The following NLGN1 variants were observed in gnomAD, a reference collection of about 807,000 sequenced individuals.
NLGN1 encodes the protein neuroligin 1.
NLGN1 carries 12 observed loss-of-function variants against 65.5 expected under a neutral mutation model. The observed-to-expected ratio is 0.18, with a 90% CI of 0.12 to 0.30. NLGN1 has a LOEUF of 0.30. Ranked by LOEUF, NLGN1 falls within the 10% of genes least tolerant of loss-of-function variation. The pLI is 1.00. For synonymous variants in NLGN1, 350 were observed against 359.5 expected (o/e 0.97, Z 0.30); for missense variants, 750 against 1,007.1 (o/e 0.74, Z 3.46).
At chr3:174,027,616 A>G (rs1729110640) in intron 4 of NLGN1, among the ~76,000 whole-genome samples, 1 of 152,192 alleles carries the variant, frequency 6.6e-6, no homozygotes, top group African/African-American at 2.4e-5. Flanking sequence ...CAAGATATAT[A>G]GTCACACTAT....
chr3:173,404,161 CT>C (rs1718196484), intron 1 of NLGN1, among the ~76,000 whole-genome samples: 1 of 152,082 alleles, frequency 6.6e-6, no homozygotes, highest in African/African-American at 2.4e-5. Context: ...TGTGTCTCAA[CT>C]TTTTTTCCCT....
At chr3:173,992,477 T>G (rs1243553070) in intron 4 of NLGN1, among the ~76,000 whole-genome samples, 2 of 152,052 alleles carry the variant, frequency 1.3e-5, no homozygotes, top group Non-Finnish European at 2.9e-5. Context: ...AAGTCACCAA[T>G]GGCTCTTTTT....
At chr3:173,632,849 G>GTTTTTTTTTTTT (rs5854526) in intron 3 of NLGN1, among the ~76,000 whole-genome samples, 15 of 116,414 alleles carry the variant, frequency 1.3e-4, no homozygotes, top group Non-Finnish European at 1.6e-4. Context: ...TTTTTTTTTT[G>GTTTTTTTTTTTT]TTTTTTTTTT....
chr3:173,597,383 A>T (rs1230144521), intron 2 of NLGN1, among the ~76,000 whole-genome samples: 1 of 152,194 alleles, frequency 6.6e-6, no homozygotes, highest in African/African-American at 2.4e-5. Context: ...AACTATGTAA[A>T]GTGTTTTGGA....
At chr3:173,792,944 T>C (rs959022305) in intron 3 of NLGN1, among the ~76,000 whole-genome samples, 36 of 152,162 alleles carry the variant, frequency 2.4e-4, no homozygotes, top group African/African-American at 8.4e-4. Context: ...ATCTGTCTTG[T>C]TTTAGCTATT....
At chr3:173,925,628 G>A (rs1294368376) in intron 4 of NLGN1, among the ~76,000 whole-genome samples, 2 of 152,150 alleles carry the variant, frequency 1.3e-5, no homozygotes, top group Non-Finnish European at 2.9e-5. Context: ...GAAAGGAAGA[G>A]CCTGCTCCCA....
chr3:174,051,123 T>G (rs1734745388), intron 4 of NLGN1, among the ~76,000 whole-genome samples: 1 of 152,086 alleles, frequency 6.6e-6, no homozygotes, highest in African/African-American at 2.4e-5. Flanking sequence ...TGCTATTACA[T>G]TAAGAATTCT....
At chr3:173,777,708 T>C (rs906802194) in intron 3 of NLGN1, among the ~76,000 whole-genome samples, 3 of 151,738 alleles carry the variant, frequency 2.0e-5, no homozygotes, top group Admixed American at 2.0e-4. Context: ...ATTCATCCCT[T>C]GGTGGTCACT....
intron 4 of NLGN1, among the ~76,000 whole-genome samples, chr3:174,130,333 C>T (rs186298913): frequency 3.3e-5 from 5 of 152,194 alleles, no homozygotes; most frequent in Admixed American, 2.0e-4. Context: ...GAGATCGCGC[C>T]GTTGCACTCC....
At chr3:174,169,355 C>A (rs569184990) in intron 4 of NLGN1, among the ~76,000 whole-genome samples, 157 of 152,124 alleles carry the variant, frequency 1.0e-3, no homozygotes, top group Middle Eastern at 6.8e-3. Context: ...GTGTCGCAAC[C>A]CAGGCTGGTC....
At chr3:173,735,288 A>G (rs1773562270) in intron 3 of NLGN1, among the ~76,000 whole-genome samples, 1 of 152,128 alleles carries the variant, frequency 6.6e-6, no homozygotes, top group South Asian at 2.1e-4. Flanking sequence ...TGTTGTTTTA[A>G]TACGTGGGAG....
At chr3:173,462,365 C>T (rs987538933) in intron 2 of NLGN1, among the ~76,000 whole-genome samples, 19 of 152,110 alleles carry the variant, frequency 1.2e-4, no homozygotes, top group Admixed American at 2.0e-4. Context: ...TAGCTTTCTC[C>T]TCCAAACCAC....
At chr3:174,102,834 G>T (rs1436284159) in intron 4 of NLGN1, among the ~76,000 whole-genome samples, 1 of 150,566 alleles carries the variant, frequency 6.6e-6, no homozygotes, top group Admixed American at 6.6e-5. Context: ...GCCAGGAGAA[G>T]TGGGGGAAGA....
At chr3:173,900,591 A>G (rs1737160041) in intron 4 of NLGN1, among the ~76,000 whole-genome samples, 1 of 152,060 alleles carries the variant, frequency 6.6e-6, no homozygotes, top group African/African-American at 2.4e-5. Context: ...TTTCATAAGA[A>G]TGGGAGCAGA....
intron 4 of NLGN1, among the ~76,000 whole-genome samples, chr3:173,974,529 A>G (rs893173908): frequency 7.9e-5 from 12 of 152,074 alleles, no homozygotes; most frequent in Non-Finnish European, 1.8e-4. Context: ...AGTCTAGTGG[A>G]GAACTAAAAT....
intron 1 of NLGN1, among the ~76,000 whole-genome samples, chr3:173,410,539 T>G (rs930396752): frequency 6.6e-6 from 1 of 152,188 alleles, no homozygotes; most frequent in African/African-American, 2.4e-5. Context: ...TGCTTTTATT[T>G]CACTAGCACA....
chr3:173,449,935 T>G (rs1009863040), intron 2 of NLGN1, among the ~76,000 whole-genome samples: 2 of 152,172 alleles, frequency 1.3e-5, no homozygotes, highest in Non-Finnish European at 2.9e-5. Context: ...CTCCATTCCT[T>G]TATTTTGAGC....
At chr3:173,422,031 G>A (rs1236913090) in intron 1 of NLGN1, among the ~76,000 whole-genome samples, 2 of 151,916 alleles carry the variant, frequency 1.3e-5, no homozygotes, top group Admixed American at 6.6e-5. Flanking sequence ...TCCATCAAAT[G>A]CAGACATTTA....
intron 4 of NLGN1, among the ~76,000 whole-genome samples, chr3:174,230,792 A>G (rs1466953268): frequency 3.3e-5 from 5 of 152,196 alleles, no homozygotes; most frequent in Non-Finnish European, 7.3e-5. Context: ...TAAAAAAAAT[A>G]GAGAAATAAA....
Sources: gnomAD v4.1 joint callset for allele counts (sites outside exome capture counted in the v4.1 genomes callset) on GRCh38, gnomAD v4.1.1 for gene constraint, MANE v1.5 for transcripts, NCBI Gene and HGNC (gene_info 2026-07-23, HGNC 2026-07-21) for gene names.